The following OR1D2 variants were observed in gnomAD, a reference collection of about 807,000 sequenced individuals.
The protein encoded by OR1D2 is olfactory receptor family 1 subfamily D member 2, also known as olfactory receptor 1D2.
For missense variants in OR1D2, 357 were observed against 376.1 expected, an observed-to-expected ratio of 0.95 and a Z score of 0.42; for synonymous variants, 157 against 153.9, an observed-to-expected ratio of 1.02 and a Z score of -0.15.
chr17:3,103,697 G>T (rs1392599205), intron 1 of OR1D2, among the ~76,000 whole-genome samples: 3 of 152,124 alleles, frequency 2.0e-5, no homozygotes, highest in Non-Finnish European at 4.4e-5. Flanking sequence ...CCTCTGTTGT[G>T]TTGCTGGGGT....
intron 1 of OR1D2, among the ~76,000 whole-genome samples, chr17:3,094,386 AAAG>A (rs1184058354): frequency 6.6e-6 from 1 of 152,066 alleles, no homozygotes; most frequent in Non-Finnish European, 1.5e-5. Flanking sequence ...AAAAAAGAAA[AAAG>A]AAACATGTAT....
chr17:3,099,386 A>G (rs908799819), intron 1 of OR1D2, among the ~76,000 whole-genome samples: 3 of 152,188 alleles, frequency 2.0e-5, no homozygotes, highest in Non-Finnish European at 1.5e-5. Flanking sequence ...ATTCTGAAAG[A>G]AAAAAATTTT....
chr17:3,101,905 C>T (rs190278697), intron 1 of OR1D2, among the ~76,000 whole-genome samples: 6 of 152,224 alleles, frequency 3.9e-5, no homozygotes, highest in African/African-American at 1.4e-4. Flanking sequence ...CATGAATGAA[C>T]CTCCATTCAC....
At chr17:3,100,899 C>T (rs560917448) in intron 1 of OR1D2, among the ~76,000 whole-genome samples, 39 of 152,176 alleles carry the variant, frequency 2.6e-4, no homozygotes, top group South Asian at 6.2e-4. Context: ...AATACCCCTA[C>T]GCAAATAAAC....
intron 1 of OR1D2, among the ~76,000 whole-genome samples, chr17:3,099,196 T>C (rs1409289826): frequency 1.3e-5 from 2 of 151,944 alleles, no homozygotes; most frequent in Non-Finnish European, 2.9e-5. Context: ...AAATACTCCA[T>C]GAGAAGATCA....
rs2151709399 is a variant in OR1D2, at chr17:3,104,111, T to C, written c.-63A>G. The C allele has an allele frequency of 6.6e-6, 1 of 152,348 alleles. No individual in the cohort carries two copies. The highest frequency in any genetic ancestry group is 1.9e-4 in the East Asian group (1 of 5,174). 9.4% of individuals were successfully genotyped at this position (152,348 alleles called of 1,614,324 possible). ...GAGATGTACAGACCTTACCCACTGCTCTGTGCTGCTCTCAGAGTTCACTGG... is the reference window on the plus strand; with the variant it reads ...GAGATGTACAGACCTTACCCACTGCCCTGTGCTGCTCTCAGAGTTCACTGG... On this transcript the variant is annotated 5_prime_UTR_variant, in exon 1 of 2. Coordinates refer to ENST00000641833, the MANE Select transcript of OR1D2 (RefSeq NM_002548.3).
chr17:3,097,085 A>G (rs2047849406), intron 1 of OR1D2, among the ~76,000 whole-genome samples: 1 of 152,204 alleles, frequency 6.6e-6, no homozygotes. Context: ...TCATTTCCAT[A>G]TGTTACTTCA....
rs915835753 is a variant in OR1D2 at position 3,089,533 on chromosome 17, A to C, written c.*2525T>G. The stretch of plus-strand genomic sequence containing the variant: ...AGCTGTGGTAGCATAGGGGGGATAC[A>C]AACTTGCCCTAAGGTGGCCTGGATA... On this transcript the variant is annotated 3_prime_UTR_variant, in exon 2 of 2. Coordinates refer to ENST00000641833, the MANE Select transcript of OR1D2 (RefSeq NM_002548.3). 3.3e-5 allele frequency: 5 copies of C among 152,298 alleles called. No homozygotes were observed. The highest frequency in any genetic ancestry group is 1.2e-4 in the African/African-American group (5 of 41,438). The allele number at this position is 152,298 out of a possible 1,614,324, so 9.4% of individuals were successfully genotyped here.
chr17:3,098,555 A>C (rs924774631), intron 1 of OR1D2, among the ~76,000 whole-genome samples: 1 of 152,186 alleles, frequency 6.6e-6, no homozygotes, highest in African/African-American at 2.4e-5. Flanking sequence ...AAACTCATGA[A>C]GATGAGAAAC....
chr17:3,095,160 G>A (rs374857728), intron 1 of OR1D2, among the ~76,000 whole-genome samples: 9 of 152,054 alleles, frequency 5.9e-5, no homozygotes, highest in East Asian at 1.9e-4. Flanking sequence ...TAGGAAACTC[G>A]ACAAACTTTA....
At chr17:3,099,088 A>C (rs1234021561) in intron 1 of OR1D2, among the ~76,000 whole-genome samples, 2 of 152,166 alleles carry the variant, frequency 1.3e-5, no homozygotes, top group Non-Finnish European at 2.9e-5. Context: ...GAATGGAAAC[A>C]AGCTGGAAAA....
At chr17:3,094,285 C>T (rs964304786) in intron 1 of OR1D2, among the ~76,000 whole-genome samples, 1 of 152,074 alleles carries the variant, frequency 6.6e-6, no homozygotes, top group African/African-American at 2.4e-5. Context: ...TTATCAAACA[C>T]ATTTAAAACA....
At chr17:3,094,629 A>C (rs532407785) in intron 1 of OR1D2, among the ~76,000 whole-genome samples, 1 of 152,278 alleles carries the variant, frequency 6.6e-6, no homozygotes, top group South Asian at 2.1e-4. Context: ...AAAAGAAACA[A>C]AGTATGATCC....
At position 3,089,260 on chromosome 17, in the gene OR1D2, T is replaced by C. The variant is rs1291383857; in HGVS notation, c.*2798A>G. 6.6e-6 allele frequency: 1 copy of C among 152,320 alleles called. No individual in the cohort carries two copies. The highest frequency in any genetic ancestry group is 1.5e-5 in the Non-Finnish European group (1 of 68,110). 9.4% of individuals were successfully genotyped at this position (152,320 alleles called of 1,614,324 possible). A position where few individuals can be genotyped will look rare whatever the true frequency, so the allele number is the denominator to read the frequency against. ...AATGATTGTTATTTCTCTGCTGGTC[T>C]AGCCATCCAACAGAGCTTCTGGGCT... On this transcript the variant is annotated 3_prime_UTR_variant, in exon 2 of 2. Transcript: ENST00000641833.
chr17:3,095,703 C>A (rs2047841198), intron 1 of OR1D2, among the ~76,000 whole-genome samples: 1 of 151,630 alleles, frequency 6.6e-6, no homozygotes, highest in African/African-American at 2.4e-5. Context: ...AGTATAAATT[C>A]ATATTTTCTT....
intron 1 of OR1D2, among the ~76,000 whole-genome samples, chr17:3,102,614 A>C (rs1042436214): frequency 1.3e-5 from 2 of 152,146 alleles, no homozygotes; most frequent in African/African-American, 4.8e-5. Flanking sequence ...ATCAGAACTG[A>C]CACATTGGGA....
In OR1D2 at chr17:3,103,790, A is replaced by T. The variant is rs142676336; in HGVS notation, c.-51+309T>A. On this transcript the variant is annotated intron_variant, in intron 1 of 1. Transcript: ENST00000641833. The stretch of plus-strand genomic sequence containing the variant: ...CACTGGGCTTTGTACCTCTTCTGTT[A>T]CTTCCTAGCTGTATGACCTTGAGTA... Among the ~76,000 whole-genome samples the T allele has an allele frequency of 2.5e-3, 379 of 152,140 alleles. 1 individual carries two copies. The highest frequency in any genetic ancestry group is 8.3e-3 in the South Asian group (40 of 4,816).
chr17:3,097,882 A>G (rs1266719868), intron 1 of OR1D2, among the ~76,000 whole-genome samples: 3 of 152,152 alleles, frequency 2.0e-5, no homozygotes, highest in Admixed American at 6.5e-5. Context: ...TGTGTCCACC[A>G]CAGCCCAACA....
Position 3,092,220 on chromosome 17 carries a change from G to A in OR1D2, c.777C>T (p.Tyr259=). The A allele has an allele frequency of 1.2e-6, 2 of 1,614,160 alleles. No homozygotes were observed. Among genetic ancestry groups the A allele is most frequent in the Non-Finnish European group, 1.7e-6 (2 of 1,180,038 alleles). The part of the protein sequence containing the change: ...SLFYGTLCMV[Y]LKPLHTYSVK... ...CAGAGTAGGTATGGAGGGGCTTTAG[G>A]TATACCATACAAAGTGTCCCATAGA... is the stretch of plus-strand genomic sequence containing the variant. The change falls in exon 2 of 2, where the codon TAC becomes TAT. Residue 259 remains tyrosine (Y), a synonymous_variant. Transcript: ENST00000641833.
Sources: allele counts gnomAD v4.1 joint callset (sites outside exome capture counted in the v4.1 genomes callset), GRCh38; gene constraint gnomAD v4.1.1; transcripts MANE v1.5; gene names NCBI Gene and HGNC (gene_info 2026-07-23, HGNC 2026-07-21).